REC114: variants seen among roughly 807,000 people sequenced by gnomAD.
The protein encoded by REC114 is REC114 meiotic recombination protein.
Under a neutral mutation model 31.3 loss-of-function variants are expected in REC114, and 27 were observed. The observed-to-expected ratio is 0.86, with a 90% CI of 0.64 to 1.19. The LOEUF is 1.19. Among genes scored for constraint, REC114 ranks in the 50% most tolerant of loss-of-function variants. The probability of loss-of-function intolerance (pLI) is 0.00; values close to 1 mark genes in which losing one functional copy is unlikely to be tolerated. For synonymous variants in REC114, 134 were observed against 127.7 expected, an observed-to-expected ratio of 1.05 and a Z score of -0.33; for missense variants, 344 against 326.9, an observed-to-expected ratio of 1.05 and a Z score of -0.40.
At chr15:73,548,550 A>T (rs1424035033) in intron 3 of REC114, among the ~76,000 whole-genome samples, 1 of 152,224 alleles carries the variant, frequency 6.6e-6, no homozygotes, top group African/African-American at 2.4e-5. Context: ...ATTACTAAAA[A>T]GTAAAAAAAT....
intron 2 of REC114, among the ~76,000 whole-genome samples, chr15:73,537,108 G>A (rs933600624): frequency 1.7e-4 from 26 of 152,110 alleles, no homozygotes; most frequent in African/African-American, 5.1e-4. Context: ...ATTCATTAGC[G>A]AGCAAAACGA....
intron 2 of REC114, among the ~76,000 whole-genome samples, chr15:73,478,225 C>T (rs1425389171): frequency 1.5e-5 from 2 of 135,184 alleles, no homozygotes; most frequent in African/African-American, 5.8e-5. Flanking sequence ...CACGGTGCCA[C>T]TGCACTCCAG....
rs1894380224 is a variant in REC114, at chr15:73,550,953, T to C, written c.349T>C (p.Phe117Leu). ...TGTCAAACAGGACAAGAGTCGCCTG[T>C]TTCGAGTACAGTTCAGTGGAGAGTC... ...GTTIKDKSRL[F>L]RVQFSGESKE... is the part of the protein sequence containing the mutation. The change falls in exon 4 of 6, where the codon TTT (phenylalanine) becomes CTT (leucine). Residue 117 changes from phenylalanine to leucine, a missense_variant. Phe to Leu is a conservative substitution (Grantham distance 22). Coordinates refer to ENST00000331090, the MANE Select transcript of REC114 (RefSeq NM_001042367.2). The C allele has an allele frequency of 6.2e-7, 1 of 1,613,728 alleles. No homozygotes were observed. Among genetic ancestry groups the C allele is most frequent in the African/African-American group, 1.3e-5 (1 of 74,920 alleles).
At chr15:73,494,949 A>G (rs1893498014) in intron 2 of REC114, among the ~76,000 whole-genome samples, 1 of 152,206 alleles carries the variant, frequency 6.6e-6, no homozygotes, top group Non-Finnish European at 1.5e-5. Flanking sequence ...TAAAACTGCA[A>G]TTACACTTTT....
chr15:73,522,202 G>A (rs1893946044), intron 2 of REC114, among the ~76,000 whole-genome samples: 1 of 152,098 alleles, frequency 6.6e-6, no homozygotes, highest in African/African-American at 2.4e-5. Flanking sequence ...TTGCACTTCT[G>A]AGGCATGGCA....
intron 3 of REC114, among the ~76,000 whole-genome samples, chr15:73,550,183 G>A (rs1356067368): frequency 6.6e-6 from 1 of 152,160 alleles, no homozygotes; most frequent in Non-Finnish European, 1.5e-5. Context: ...AGAAAAAAGG[G>A]AAACTATTCT....
intron 2 of REC114, among the ~76,000 whole-genome samples, chr15:73,489,365 A>T (rs1344712378): frequency 6.6e-6 from 1 of 151,766 alleles, no homozygotes; most frequent in Non-Finnish European, 1.5e-5. Context: ...AACCACGCCC[A>T]GATAATTTTT....
In REC114 at chr15:73,443,222, C is replaced by A. The variant is rs767746609; in HGVS notation, c.37C>A (p.Leu13Ile). 2 of 1,576,406 alleles carry A rather than the reference C, an allele frequency of 1.3e-6. No homozygotes were observed. The highest frequency in any genetic ancestry group is 2.3e-5 in the East Asian group (1 of 42,724). The change falls in exon 1 of 6, where the codon CTT becomes ATT. Residue 13 changes from leucine to isoleucine, a missense_variant. Transcript: ENST00000331090. ...AGGAAAAGTGCCCTTGAGCCTCGGG[C>A]TTACCGGAGGAGAAGCGGCAGAGTG... ...EAGKVPLSLGLTGGEAAEWPL... is the reference protein window; with the variant it reads ...EAGKVPLSLGITGGEAAEWPL...
At chr15:73,545,833 T>C (rs1894301070) in intron 3 of REC114, among the ~76,000 whole-genome samples, 1 of 152,156 alleles carries the variant, frequency 6.6e-6, no homozygotes, top group African/African-American at 2.4e-5. Context: ...GATGTCACTG[T>C]CAGAAAGTTA....
intron 2 of REC114, among the ~76,000 whole-genome samples, chr15:73,508,450 T>A (rs968668148): frequency 2.0e-5 from 3 of 151,814 alleles, no homozygotes; most frequent in Non-Finnish European, 4.4e-5. Context: ...TTTTAATTTT[T>A]TTTTTAATTA....
chr15:73,493,270 A>G (rs889932106), intron 2 of REC114, among the ~76,000 whole-genome samples: 4 of 151,998 alleles, frequency 2.6e-5, no homozygotes, highest in African/African-American at 7.2e-5. Flanking sequence ...CTCCTTGTTT[A>G]TTTATTCTTT....
At chr15:73,494,560 T>C (rs1384698471) in intron 2 of REC114, among the ~76,000 whole-genome samples, 1 of 152,166 alleles carries the variant, frequency 6.6e-6, no homozygotes, top group Non-Finnish European at 1.5e-5. Context: ...ATTATTTTTC[T>C]TTTTTTCTAA....
rs375895540 is a variant in REC114 at position 73,448,737 on chromosome 15, CAT to C, written c.159+5397_159+5398del. Among the ~76,000 whole-genome samples, 74 of 152,240 alleles carry C rather than the reference CAT, an allele frequency of 4.9e-4. 1 individual carries two copies. The South Asian group carries it at 0.015, about 30-fold the overall frequency. On this transcript the variant is annotated intron_variant, in intron 1 of 5. Coordinates refer to ENST00000331090, the MANE Select transcript of REC114 (RefSeq NM_001042367.2). Reference sequence around the variant, plus strand: ...TCCCAGTAGGGGCCGACAGACACCTCATATAGGAGAGCTCTGGCTGGCATCTG... The same window carrying C: ...TCCCAGTAGGGGCCGACAGACACCTCATAGGAGAGCTCTGGCTGGCATCTG...
intron 2 of REC114, among the ~76,000 whole-genome samples, chr15:73,516,661 C>A (rs1389902721): frequency 1.3e-5 from 2 of 152,112 alleles, no homozygotes; most frequent in African/African-American, 4.8e-5. Flanking sequence ...TTTTTATACT[C>A]TTGTTACCCA....
chr15:73,554,319 CTCTT>C (rs1894432403), intron 4 of REC114, among the ~76,000 whole-genome samples: 1 of 152,158 alleles, frequency 6.6e-6, no homozygotes, highest in African/African-American at 2.4e-5. Flanking sequence ...GTAGCATGTG[CTCTT>C]TCTCAGAATC....
intron 1 of REC114, among the ~76,000 whole-genome samples, chr15:73,465,732 TTC>T (rs968644695): frequency 2.6e-5 from 4 of 152,250 alleles, no homozygotes; most frequent in African/African-American, 7.2e-5. Context: ...GCAGCGGACA[TTC>T]TCTCTTACTG....
chr15:73,459,491 C>T (rs1055655353), intron 1 of REC114, among the ~76,000 whole-genome samples: 29 of 152,158 alleles, frequency 1.9e-4, no homozygotes, highest in African/African-American at 6.8e-4. Flanking sequence ...CTTAGCCTCC[C>T]AAAGTGTTGG....
chr15:73,518,660 A>T (rs1246452381), intron 2 of REC114, among the ~76,000 whole-genome samples: 1 of 152,234 alleles, frequency 6.6e-6, no homozygotes, highest in Non-Finnish European at 1.5e-5. Context: ...GGCTCTGAAT[A>T]GGGGGAGGGG....
chr15:73,538,050 CT>C (rs1382109163), intron 2 of REC114, among the ~76,000 whole-genome samples: 2 of 152,118 alleles, frequency 1.3e-5, no homozygotes, highest in Non-Finnish European at 2.9e-5. Flanking sequence ...TCATATGTGG[CT>C]GTGGAGCACT....
Sources: allele counts gnomAD v4.1 joint callset (sites outside exome capture counted in the v4.1 genomes callset), GRCh38; gene constraint gnomAD v4.1.1; transcripts MANE v1.5; gene names NCBI Gene and HGNC (gene_info 2026-07-23, HGNC 2026-07-21).